Variants in SLC12A1 observed in about 807,000 individuals in gnomAD.
The protein encoded by SLC12A1 is Na-K-2Cl cotransporter.
A neutral mutation model predicts 130.4 loss-of-function variants in SLC12A1; 89 were observed. That is an observed-to-expected ratio of 0.68 (90% CI 0.58 to 0.81). The LOEUF (loss-of-function observed/expected upper bound fraction) is 0.81. Ranked by LOEUF, SLC12A1 falls within the 40% of genes least tolerant of loss-of-function variation. SLC12A1 has a pLI of 0.00. For synonymous variants in SLC12A1, 499 were observed against 460.0 expected (o/e 1.08, Z -1.09); for missense variants, 1,310 against 1,336.4 (o/e 0.98, Z 0.31).
At position 48,229,052 on chromosome 15, in the gene SLC12A1, G is replaced by T. The variant is rs1225392520; in HGVS notation, c.725-137G>T. On this transcript the variant is annotated intron_variant, in intron 5 of 26. Transcript: ENST00000380993. ...CTAAGTTATTCACTGGGTAACACAGGATTCCTAAAATTACTGGGAAGTTGT... is the reference window on the plus strand; with the variant it reads ...CTAAGTTATTCACTGGGTAACACAGTATTCCTAAAATTACTGGGAAGTTGT... The T allele has an allele frequency of 1.4e-5, 13 of 923,806 alleles. 2 individuals are homozygous for T. Among genetic ancestry groups the T allele is most frequent in the Non-Finnish European group, 2.1e-5 (13 of 626,906 alleles). The allele number at this position is 923,806 out of a possible 1,614,324, so 57.2% of individuals were successfully genotyped here.
chr15:48,244,248 G>T (rs541667658), intron 10 of SLC12A1, among the ~76,000 whole-genome samples: 2 of 152,224 alleles, frequency 1.3e-5, no homozygotes, highest in Admixed American at 6.5e-5. Flanking sequence ...CATTAAAACC[G>T]CATATAATGT....
rs1555383559 is a variant in SLC12A1, at chr15:48,250,674, C to CACACACACACA, written c.1787-941_1787-940insACACACACACA. Among the ~76,000 whole-genome samples the CACACACACACA allele has an allele frequency of 3.9e-3, 219 of 56,154 alleles. 2 individuals are homozygous for CACACACACACA. The highest frequency in any genetic ancestry group is 0.019 in the East Asian group (32 of 1,728). The allele number at this position is 56,154 out of a possible 152,430, so 36.8% of individuals were successfully genotyped here. A position where few individuals can be genotyped will look rare whatever the true frequency, so the allele number is the denominator to read the frequency against. The stretch of plus-strand genomic sequence containing the variant: ...GATACACAAACCCAGAAAATGTCTG[C>CACACACACACA]CTCACACACACACACACACACACAC... On this transcript the variant is annotated intron_variant, in intron 14 of 26. Coordinates refer to ENST00000380993, the MANE Select transcript of SLC12A1 (RefSeq NM_000338.3).
chr15:48,274,873 G>A (rs543626227), intron 20 of SLC12A1, among the ~76,000 whole-genome samples: 7 of 152,150 alleles, frequency 4.6e-5, no homozygotes, highest in Non-Finnish European at 8.8e-5. Context: ...AGGAATTCAA[G>A]GTAGTCATCA....
chr15:48,264,859 C>T (rs1220229225), intron 17 of SLC12A1, among the ~76,000 whole-genome samples: 1 of 152,158 alleles, frequency 6.6e-6, no homozygotes, highest in Non-Finnish European at 1.5e-5. Flanking sequence ...AACATCACAT[C>T]AACTTCTCCA....
chr15:48,291,821 A>T lies in SLC12A1; in HGVS notation c.2917A>T (p.Ile973Phe). Reference sequence around the variant, plus strand: ...CAAATTTAGGATAAAATTTGCAGACATCCATATCATCGGTGACATCAACAT... The same window carrying T: ...CAAATTTAGGATAAAATTTGCAGACTTCCATATCATCGGTGACATCAACAT... Reference protein sequence around the residue: ...LSKFRIKFADIHIIGDINIRP... With the variant: ...LSKFRIKFADFHIIGDINIRP... The change falls in exon 24 of 27, where the codon ATC becomes TTC. Residue 973 changes from isoleucine (I) to phenylalanine (F), a missense_variant. Ile to Phe is a conservative substitution (Grantham distance 21). Transcript: ENST00000380993. 1 of 1,572,234 alleles carries T rather than the reference A, an allele frequency of 6.4e-7. No individual in the cohort carries two copies. The highest frequency in any genetic ancestry group is 1.3e-5 in the African/African-American group (1 of 74,204).
chr15:48,274,535 C>T (rs914973163), intron 19 of SLC12A1, 36 bp from the exon 20 acceptor site: 1 of 1,364,684 alleles, frequency 7.3e-7, no homozygotes, highest in Non-Finnish European at 1.0e-6. Context: ...TTAAAAGAGC[C>T]ATTTAAAACG....
chr15:48,242,796 T>C (rs1270145026), intron 10 of SLC12A1, among the ~76,000 whole-genome samples: 2 of 152,118 alleles, frequency 1.3e-5, no homozygotes, highest in African/African-American at 2.4e-5. Flanking sequence ...AGTGAGACCA[T>C]GTGTCAAAAA....
At chr15:48,249,784 AT>A in intron 14 of SLC12A1, 108 bp downstream of exon 14, 1 of 805,556 alleles carries the variant, frequency 1.2e-6, no homozygotes, top group South Asian at 1.6e-5. Context: ...ATGTTTCCTT[AT>A]ATCCTAGTGG....
Position 48,303,045 on chromosome 15 carries a change from A to T in SLC12A1, c.*160A>T. The T allele has an allele frequency of 1.9e-6, 1 of 528,140 alleles. No homozygotes were observed. The highest frequency in any genetic ancestry group is 3.1e-6 in the Non-Finnish European group (1 of 321,356). 32.7% of individuals were successfully genotyped at this position (528,140 alleles called of 1,614,324 possible). On this transcript the variant is annotated 3_prime_UTR_variant, in exon 27 of 27. Coordinates refer to ENST00000380993, the MANE Select transcript of SLC12A1 (RefSeq NM_000338.3). Reference sequence around the variant, plus strand: ...TGCATAATTTTTATCAGTTAATGCGAGCTTTTTTTTCTCTTCTCAGCTTAA... The same window carrying T: ...TGCATAATTTTTATCAGTTAATGCGTGCTTTTTTTTCTCTTCTCAGCTTAA...
chr15:48,221,377 C>A (rs1457048175), intron 4 of SLC12A1: 31 of 701,276 alleles, frequency 4.4e-5, no homozygotes, highest in Non-Finnish European at 3.9e-5. Context: ...CTTCACTGAA[C>A]AAAAATAACT....
chr15:48,235,356 C>A (rs536334047), intron 9 of SLC12A1: 3,650 of 274,422 alleles, frequency 0.013, 33 homozygotes, highest in Non-Finnish European at 0.019. Flanking sequence ...AAAAAAAAAA[C>A]AAAACAAAAC....
chr15:48,250,707 C>CACACACACACACACACACACACAT (rs1555383567), intron 14 of SLC12A1, among the ~76,000 whole-genome samples: 1 of 151,058 alleles, frequency 6.6e-6, no homozygotes, highest in African/African-American at 2.4e-5. Flanking sequence ...CACACACACA[C>CACACACACACACACACACACACAT]GGACGGGAAG....
intron 17 of SLC12A1, among the ~76,000 whole-genome samples, chr15:48,267,300 C>A (rs2041842961): frequency 6.6e-6 from 1 of 152,158 alleles, no homozygotes; most frequent in African/African-American, 2.4e-5. Context: ...GCCCTCAACT[C>A]TTCCTTTCAT....
At chr15:48,259,703 C>T (rs112010531) in intron 17 of SLC12A1, among the ~76,000 whole-genome samples, 10 of 152,154 alleles carry the variant, frequency 6.6e-5, no homozygotes, top group African/African-American at 4.8e-5. Flanking sequence ...AAGAACCAGA[C>T]ATAATGGCCT....
At chr15:48,292,237 G>A (rs2042129508) in intron 24 of SLC12A1, among the ~76,000 whole-genome samples, 1 of 152,148 alleles carries the variant, frequency 6.6e-6, no homozygotes, top group South Asian at 2.1e-4. Context: ...CAGCCTGGAT[G>A]GGGAGCTCTG....
Position 48,299,183 on chromosome 15 carries a change from G to A in SLC12A1, c.3004G>A (p.Glu1002Lys), listed in dbSNP as rs771044374. The change falls in exon 25 of 27, where the codon GAA (glutamate) becomes AAA (lysine). Residue 1002 changes from glutamate (E) to lysine (K), a missense_variant. By Grantham distance (56) the Glu-to-Lys change is moderately conservative. Transcript: ENST00000380993. ...EEMIEPYRLH[E>K]SCKDLTTAEK... ...GATGATTGAACCATATCGTCTCCAT[G>A]AAAGCTGCAAAGATTTAACAACTGC... 5.0e-6 allele frequency: 8 copies of A among 1,607,556 alleles called. No homozygotes were observed. In the Admixed American group the frequency reaches 1.4e-4, roughly 27 times the overall value.
At chr15:48,269,497 T>C (rs571123511) in intron 18 of SLC12A1, among the ~76,000 whole-genome samples, 161 bp from the exon 19 acceptor site, 2 of 152,382 alleles carry the variant, frequency 1.3e-5, no homozygotes, top group South Asian at 4.1e-4. Flanking sequence ...CTTTCCATTT[T>C]ATGCTTGGGT....
intron 11 of SLC12A1, 36 bp from the exon 12 acceptor site, chr15:48,246,873 A>T: frequency 7.1e-7 from 1 of 1,417,814 alleles, no homozygotes; most frequent in Non-Finnish European, 1.0e-6. Flanking sequence ...ATTCCAAATC[A>T]CAGAAAGTCT....
chr15:48,269,906 C>A, intron 19 of SLC12A1, 142 bp downstream of exon 19: 1 of 452,210 alleles, frequency 2.2e-6, no homozygotes, highest in Non-Finnish European at 4.0e-6. Context: ...ACTTCTTTTC[C>A]AAGGTGAAAA....
Sources: gnomAD v4.1 joint callset for allele counts (sites outside exome capture counted in the v4.1 genomes callset) on GRCh38, gnomAD v4.1.1 for gene constraint, MANE v1.5 for transcripts, NCBI Gene and HGNC (gene_info 2026-07-23, HGNC 2026-07-21) for gene names.